RPS6KC1: variants seen among roughly 807,000 people sequenced by gnomAD.
The protein encoded by RPS6KC1 is ribosomal protein S6 kinase C1, also known as inactive ribosomal protein S6 kinase delta-1.
RPS6KC1 carries 54 observed loss-of-function variants against 103.8 expected under a neutral mutation model. The observed-to-expected ratio is 0.52, with a 90% CI of 0.42 to 0.65. The LOEUF is 0.65. Among genes scored for constraint, RPS6KC1 ranks in the 30% least tolerant of loss-of-function variants. The pLI is 0.00. For synonymous variants in RPS6KC1, 439 were observed against 438.7 expected (o/e 1.00, Z -0.01); for missense variants, 1,151 against 1,253.8 (o/e 0.92, Z 1.24).
At chr1:213,194,567 G>A (rs1007907558) in intron 8 of RPS6KC1, among the ~76,000 whole-genome samples, 3 of 152,138 alleles carry the variant, frequency 2.0e-5, no homozygotes, top group Non-Finnish European at 4.4e-5. Context: ...TCACTCTATC[G>A]CCTGTTAGGA....
the RPS6KC1 span, among the ~76,000 whole-genome samples, chr1:213,279,983 C>G: frequency 6.6e-6 from 1 of 152,204 alleles, no homozygotes; most frequent in Non-Finnish European, 1.5e-5. Context: ...TTGGGAGCTA[C>G]TGGCTTTGTT....
At chr1:213,378,390 G>C in the RPS6KC1 span, among the ~76,000 whole-genome samples, 8 of 152,220 alleles carry the variant, frequency 5.3e-5, no homozygotes, top group Non-Finnish European at 1.0e-4. Context: ...TGCCTGGCAT[G>C]AAGTGAGTGA....
Position 213,242,073 on chromosome 1 carries a change from C to CT in RPS6KC1, c.2598dup (p.Glu867Ter). The CT allele has an allele frequency of 6.2e-7, 1 of 1,613,996 alleles. No individual in the cohort carries two copies. The highest frequency in any genetic ancestry group is 2.2e-5 in the East Asian group (1 of 44,880). The stretch of plus-strand genomic sequence containing the variant: ...CCAACTTCTTTATTCCAGAGAGACT[C>CT]TGAGACTAAGGGTGAAAGTGGTTTA... On this transcript the variant is annotated frameshift_variant, in exon 11 of 15. Coordinates refer to ENST00000366960, the MANE Select transcript of RPS6KC1 (RefSeq NM_012424.6). LOFTEE classifies it high-confidence loss of function.
At chr1:213,151,124 A>C (rs1572857508) in intron 6 of RPS6KC1, among the ~76,000 whole-genome samples, 1 of 125,786 alleles carries the variant, frequency 8.0e-6, no homozygotes. Context: ...CGGGGGGCTG[A>C]CCCCCCCACC....
At chr1:213,351,439 T>C in the RPS6KC1 span, among the ~76,000 whole-genome samples, 18 of 152,198 alleles carry the variant, frequency 1.2e-4, no homozygotes, top group Admixed American at 1.0e-3. Context: ...AAAGAAGGTG[T>C]GATTTGCTTG....
chr1:213,575,908 G>A, the RPS6KC1 span, among the ~76,000 whole-genome samples: 1 of 152,144 alleles, frequency 6.6e-6, no homozygotes, highest in African/African-American at 2.4e-5. Flanking sequence ...TCCCACTTAG[G>A]AAGAAAGAAG....
chr1:213,471,028 A>G, the RPS6KC1 span, among the ~76,000 whole-genome samples: 5 of 152,148 alleles, frequency 3.3e-5, no homozygotes, highest in Non-Finnish European at 1.5e-5. Flanking sequence ...AGTTTTCGGA[A>G]TGAGTTGATT....
At chr1:213,247,929 C>A (rs570526894) in intron 12 of RPS6KC1, among the ~76,000 whole-genome samples, 1 of 152,030 alleles carries the variant, frequency 6.6e-6, no homozygotes, top group African/African-American at 2.4e-5. Context: ...TAAAGTATAT[C>A]ATGTAGAAAT....
chr1:213,643,659 G>A, the RPS6KC1 span, among the ~76,000 whole-genome samples: 1 of 151,606 alleles, frequency 6.6e-6, no homozygotes, highest in Non-Finnish European at 1.5e-5. Context: ...GTATTGACTA[G>A]AATATCAGTA....
chr1:213,587,913 A>G, the RPS6KC1 span, among the ~76,000 whole-genome samples: 1 of 152,146 alleles, frequency 6.6e-6, no homozygotes, highest in Admixed American at 6.5e-5. Flanking sequence ...TGCTGTAACA[A>G]AATACTTAAG....
the RPS6KC1 span, among the ~76,000 whole-genome samples, chr1:213,479,146 A>T: frequency 6.6e-6 from 1 of 151,950 alleles, no homozygotes; most frequent in Non-Finnish European, 1.5e-5. Context: ...CCACTCCCTT[A>T]TGTTGGGCAT....
chr1:213,626,053 A>G, the RPS6KC1 span, among the ~76,000 whole-genome samples: 6 of 152,224 alleles, frequency 3.9e-5, no homozygotes, highest in Non-Finnish European at 7.3e-5. Flanking sequence ...CCAACAGTGT[A>G]AAAGTGTTCC....
At chr1:213,082,797 A>G (rs1296645714) in intron 3 of RPS6KC1, among the ~76,000 whole-genome samples, 1 of 152,192 alleles carries the variant, frequency 6.6e-6, no homozygotes, top group African/African-American at 2.4e-5. Flanking sequence ...GATAGCAGAG[A>G]GTACTAAAAT....
At chr1:213,771,398 G>A in the RPS6KC1 span, among the ~76,000 whole-genome samples, 4 of 152,310 alleles carry the variant, frequency 2.6e-5, no homozygotes, top group African/African-American at 9.6e-5. Flanking sequence ...TGAGGGTGGG[G>A]TAAGAAGTGA....
chr1:213,811,768 T>A, the RPS6KC1 span, among the ~76,000 whole-genome samples: 1 of 152,326 alleles, frequency 6.6e-6, no homozygotes, highest in Admixed American at 6.5e-5. Flanking sequence ...AAGATGGGGT[T>A]GAATTATTAA....
At chr1:213,344,079 AAAAC>A in the RPS6KC1 span, among the ~76,000 whole-genome samples, 1 of 152,182 alleles carries the variant, frequency 6.6e-6, no homozygotes, top group African/African-American at 2.4e-5. Context: ...AAAATAAGAC[AAAAC>A]AAACAAACAA....
At chr1:213,187,216 C>T (rs888239094) in intron 8 of RPS6KC1, among the ~76,000 whole-genome samples, 1 of 150,930 alleles carries the variant, frequency 6.6e-6, no homozygotes, top group Non-Finnish European at 1.5e-5. Context: ...AAGATTATTT[C>T]AGTTTCTTTT....
chr1:213,689,623 G>C, the RPS6KC1 span, among the ~76,000 whole-genome samples: 1 of 152,184 alleles, frequency 6.6e-6, no homozygotes, highest in Non-Finnish European at 1.5e-5. Context: ...GTGATGTAAG[G>C]CAAGCTCAAA....
chr1:213,670,694 C>T, the RPS6KC1 span, among the ~76,000 whole-genome samples: 10,828 of 152,170 alleles, frequency 0.071, 1,104 homozygotes, highest in African/African-American at 0.23. Context: ...AAGGACTGAC[C>T]TGGAAGCTGC....
Sources: allele counts gnomAD v4.1 joint callset (sites outside exome capture counted in the v4.1 genomes callset), GRCh38; gene constraint gnomAD v4.1.1; transcripts MANE v1.5; gene names NCBI Gene and HGNC (gene_info 2026-07-23, HGNC 2026-07-21).